Variants in FAM20A observed in about 807,000 individuals in gnomAD.
FAM20A encodes pseudokinase FAM20A.
Under a neutral mutation model 52.0 loss-of-function variants are expected in FAM20A, and 42 were observed. That is an observed-to-expected ratio of 0.81 (90% CI 0.63 to 1.04). The LOEUF (loss-of-function observed/expected upper bound fraction) is 1.04. Ranked by LOEUF, FAM20A falls within the 50% of genes least tolerant of loss-of-function variation. FAM20A has a pLI of 0.00. For synonymous variants in FAM20A, 304 were observed against 298.9 expected (o/e 1.02, Z -0.18); for missense variants, 742 against 712.7 (o/e 1.04, Z -0.47).
At chr17:68,542,832 C>A in intron 5 of FAM20A, 23 bp from the exon 6 acceptor site, 1 of 1,560,980 alleles carries the variant, frequency 6.4e-7, no homozygotes, top group Non-Finnish European at 8.8e-7. Flanking sequence ...AAGCTCTGTT[C>A]CATCTGAGGG....
In FAM20A at chr17:68,542,156, A is replaced by C; in HGVS notation, c.938T>G (p.Val313Gly). ...SVFFVSPASNVCFFAKCPYMC... is the reference protein window; with the variant it reads ...SVFFVSPASNGCFFAKCPYMC... ...GTATGGACACTTGGCGAAGAAGCAC[A>C]CGTTGCTCGCTGGAGGATGGGGAGG... The change falls in exon 7 of 11, where the codon GTG (valine) becomes GGG (glycine). Residue 313 changes from valine to glycine, a missense_variant. Val to Gly is a moderately radical substitution (Grantham distance 109). Transcript: ENST00000592554. The C allele has an allele frequency of 1.9e-6, 3 of 1,613,936 alleles. No homozygotes were observed. The highest frequency in any genetic ancestry group is 2.5e-6 in the Non-Finnish European group (3 of 1,180,000).
chr17:68,570,315 C>T (rs2087503903), intron 1 of FAM20A, among the ~76,000 whole-genome samples: 1 of 152,174 alleles, frequency 6.6e-6, no homozygotes, highest in Admixed American at 6.5e-5. Context: ...CTCAAGAGAC[C>T]TGCCTGCCTC....
In FAM20A at chr17:68,552,871, C is replaced by T. The variant is rs535200618; in HGVS notation, c.641-920G>A. 2.2e-3 allele frequency among the ~76,000 whole-genome samples: 278 copies of T among 124,402 alleles called. 25 individuals are homozygous for T. The highest frequency in any genetic ancestry group is 0.017 in the Admixed American group (223 of 13,032). The allele number at this position is 124,402 out of a possible 152,430, so 81.6% of individuals were successfully genotyped here. On this transcript the variant is annotated intron_variant, in intron 3 of 10. Coordinates refer to ENST00000592554, the MANE Select transcript of FAM20A (RefSeq NM_017565.4). ...TAATTTTTTGTATTTTTAGTAGAGA[C>T]GGGGTTTCACCCTGTTAGCCAGGAT...
In FAM20A at chr17:68,600,625, C is replaced by G; in HGVS notation, c.42G>C (p.Leu14=). ...GGTCGGCGGAGAGCAGCGCGCCCAG[C>G]AGCAGCAGAGTCAGTAGGCGGTCCC... The part of the protein sequence containing the change: ...LRRDRLLTLL[L]LGALLSADLY... The change falls in exon 1 of 11, where the codon CTG becomes CTC. Residue 14 remains leucine, a synonymous_variant. Transcript: ENST00000592554. The surrounding 1 kb of genome is among the most constrained non-coding windows in gnomAD (Gnocchi z 6.2). 6.4e-7 allele frequency: 1 copy of G among 1,562,248 alleles called. No homozygotes were observed. The highest frequency in any genetic ancestry group is 8.6e-7 in the Non-Finnish European group (1 of 1,158,972).
intron 1 of FAM20A, among the ~76,000 whole-genome samples, chr17:68,574,591 G>A (rs1307586948): frequency 2.6e-5 from 4 of 152,164 alleles, no homozygotes; most frequent in African/African-American, 9.7e-5. Flanking sequence ...AACATCATGT[G>A]AGTTATTGTT....
chr17:68,540,072 A>T, intron 8 of FAM20A, 106 bp from the exon 9 acceptor site: 2 of 566,830 alleles, frequency 3.5e-6, no homozygotes. Context: ...CTTGAGAGAC[A>T]GGGGTGTGAA....
At chr17:68,573,456 C>CTTTCT (rs1163159910) in intron 1 of FAM20A, among the ~76,000 whole-genome samples, 6 of 109,462 alleles carry the variant, frequency 5.5e-5, no homozygotes, top group African/African-American at 2.0e-4. Context: ...TTCTTTCTTT[C>CTTTCT]TTCTTTCTTT....
rs990244477 is a variant in FAM20A at position 68,536,326 on chromosome 17, A to C, written c.*1151T>G. On this transcript the variant is annotated 3_prime_UTR_variant, in exon 11 of 11. Coordinates refer to ENST00000592554, the MANE Select transcript of FAM20A (RefSeq NM_017565.4). ...GCATTTTTACTTTTGTTGACTGACT[A>C]GTCACTCCATGGAATGAAGACCTTA... The C allele has an allele frequency of 6.6e-6, 3 of 453,944 alleles. No individual in the cohort carries two copies. The highest frequency in any genetic ancestry group is 1.3e-5 in the Non-Finnish European group (3 of 226,780). The allele number at this position is 453,944 out of a possible 1,614,324, so 28.1% of individuals were successfully genotyped here.
At chr17:68,548,795 C>T (rs1035708234) in intron 4 of FAM20A, among the ~76,000 whole-genome samples, 1 of 133,974 alleles carries the variant, frequency 7.5e-6, no homozygotes, top group African/African-American at 2.9e-5. Context: ...TGCAGTGGCT[C>T]GATCTTGGCT....
At chr17:68,554,023 CATATAT>C (rs1322296269) in intron 3 of FAM20A, among the ~76,000 whole-genome samples, 6,256 of 100,728 alleles carry the variant, frequency 0.062, 592 homozygotes, top group African/African-American at 0.26. Context: ...TACATATATA[CATATAT>C]ACACACATGC....
At chr17:68,570,864 G>A (rs1350910209) in intron 1 of FAM20A, among the ~76,000 whole-genome samples, 2 of 152,162 alleles carry the variant, frequency 1.3e-5, no homozygotes, top group African/African-American at 4.8e-5. Flanking sequence ...TTTCTGTTTT[G>A]AGAGCTCATA....
chr17:68,583,571 C>T (rs2088076705), intron 1 of FAM20A, among the ~76,000 whole-genome samples: 1 of 152,206 alleles, frequency 6.6e-6, no homozygotes. Flanking sequence ...ATGATCTCCT[C>T]ATCTCAAGAG....
At chr17:68,554,091 TAC>T (rs201347223) in intron 3 of FAM20A, among the ~76,000 whole-genome samples, 3,922 of 148,576 alleles carry the variant, frequency 0.026, 224 homozygotes, top group African/African-American at 0.095. Context: ...TATACATATA[TAC>T]ACACATATAT....
chr17:68,555,068 A>C (rs904631484), intron 2 of FAM20A, among the ~76,000 whole-genome samples: 1 of 152,190 alleles, frequency 6.6e-6, no homozygotes, highest in Non-Finnish European at 1.5e-5. Context: ...CCTGGCTGGG[A>C]GACTGAGTCT....
chr17:68,584,787 TGC>T (rs2088121648), intron 1 of FAM20A, among the ~76,000 whole-genome samples: 1 of 152,222 alleles, frequency 6.6e-6, no homozygotes, highest in Non-Finnish European at 1.5e-5. Flanking sequence ...CAAAAAGAGC[TGC>T]TGCGGACCAA....
chr17:68,550,645 T>G (rs538315258), intron 4 of FAM20A, among the ~76,000 whole-genome samples: 1 of 152,284 alleles, frequency 6.6e-6, no homozygotes, highest in East Asian at 1.9e-4. Flanking sequence ...CCTACCAAAG[T>G]ACTGGGATTA....
intron 1 of FAM20A, among the ~76,000 whole-genome samples, chr17:68,581,482 CTTTCTTTT>C (rs1310118964): frequency 1.4e-4 from 8 of 56,826 alleles, no homozygotes; most frequent in African/African-American, 2.7e-4. Context: ...TTCTTTCTTT[CTTTCTTTT>C]TCTTTCTTTC....
Position 68,571,400 on chromosome 17 carries a change from C to T in FAM20A, c.405-15657G>A, listed in dbSNP as rs74000760. Among the ~76,000 whole-genome samples, 964 of 152,266 alleles carry T rather than the reference C, an allele frequency of 6.3e-3. 8 individuals are homozygous for T. Among genetic ancestry groups the T allele is most frequent in the African/African-American group, 0.022 (905 of 41,536 alleles). ...AACACGTTTCCTGCTGCCAAAGCTC[C>T]ATCATACTCCAAAACACTAGTATCA... is the stretch of plus-strand genomic sequence containing the variant. On this transcript the variant is annotated intron_variant, in intron 1 of 10. Transcript: ENST00000592554.
intron 3 of FAM20A, 80 bp downstream of exon 3, chr17:68,554,697 G>T (rs2087003308): frequency 1.1e-5 from 16 of 1,400,930 alleles, no homozygotes; most frequent in Non-Finnish European, 1.6e-5. Flanking sequence ...CTTGCCCAAG[G>T]TCGCCACTGG....
Sources: allele counts gnomAD v4.1 joint callset (sites outside exome capture counted in the v4.1 genomes callset), GRCh38; gene constraint gnomAD v4.1.1; non-coding constraint Gnocchi (gnomAD v3.1); transcripts MANE v1.5; gene names NCBI Gene and HGNC (gene_info 2026-07-23, HGNC 2026-07-21).